The following WDR41 variants were observed in gnomAD, a reference collection of about 807,000 sequenced individuals.
The protein encoded by WDR41 is WD repeat-containing protein 41.
In WDR41, 63 loss-of-function variants were observed where a neutral mutation model predicts 69.3. That is an observed-to-expected ratio of 0.91 (90% CI 0.74 to 1.12). The LOEUF (loss-of-function observed/expected upper bound fraction) is 1.12, where lower values mean the gene tolerates loss of function less well. Among genes scored for constraint, WDR41 ranks in the 50% most tolerant of loss-of-function variants. The pLI, the probability that WDR41 is intolerant of heterozygous loss-of-function variation, is 0.00. For missense variants in WDR41, 543 were observed against 534.5 expected (o/e 1.02, Z -0.16); for synonymous variants, 185 against 192.1 (o/e 0.96, Z 0.31).
chr5:77,448,523 ACT>A (rs1035962312), intron 8 of WDR41, among the ~76,000 whole-genome samples: 6 of 151,984 alleles, frequency 3.9e-5, no homozygotes, highest in East Asian at 1.9e-4. Context: ...TAGACTTGGT[ACT>A]CTCTGTGTCC....
intron 12 of WDR41, among the ~76,000 whole-genome samples, chr5:77,435,435 G>A (rs1189399128): frequency 6.6e-6 from 1 of 152,152 alleles, no homozygotes; most frequent in Non-Finnish European, 1.5e-5. Flanking sequence ...ATGAGGGCAA[G>A]GACTGTTTTC....
At chr5:77,587,669 G>T (rs1744064752) in intron 1 of WDR41, among the ~76,000 whole-genome samples, 1 of 152,188 alleles carries the variant, frequency 6.6e-6, no homozygotes, top group South Asian at 2.1e-4. Flanking sequence ...CTAATCCCCA[G>T]TACCTCAGAA....
chr5:77,465,427 T>TTA (rs1374383851), intron 2 of WDR41, among the ~76,000 whole-genome samples: 2 of 152,102 alleles, frequency 1.3e-5, no homozygotes, highest in Non-Finnish European at 2.9e-5. Flanking sequence ...TCTCTCCTTT[T>TTA]TATATCCCAT....
At chr5:77,567,656 C>A (rs1252088829) in intron 1 of WDR41, among the ~76,000 whole-genome samples, 2 of 121,270 alleles carry the variant, frequency 1.6e-5, no homozygotes, top group African/African-American at 3.9e-5. Flanking sequence ...TACCCTAAAC[C>A]AAATAGTAAA....
chr5:77,475,977 A>G (rs911495954), intron 2 of WDR41, among the ~76,000 whole-genome samples: 2 of 152,214 alleles, frequency 1.3e-5, no homozygotes, highest in Non-Finnish European at 2.9e-5. Context: ...AAGTGCTTAA[A>G]GGAGCTGATG....
intron 5 of WDR41, 86 bp downstream of exon 5, chr5:77,458,976 A>G (rs1799935957): frequency 9.3e-6 from 9 of 968,848 alleles, no homozygotes; most frequent in Non-Finnish European, 1.3e-5. Context: ...AAGACCCACA[A>G]AAGTAATTTC....
chr5:77,556,291 C>G (rs1034577731), intron 1 of WDR41, among the ~76,000 whole-genome samples: 1 of 148,354 alleles, frequency 6.7e-6, no homozygotes, highest in Non-Finnish European at 1.5e-5. Context: ...TTTTAGTAGA[C>G]ATGGGGTTTC....
At chr5:77,610,616 G>A (rs1452769209) in intron 1 of WDR41, among the ~76,000 whole-genome samples, 1 of 151,962 alleles carries the variant, frequency 6.6e-6, no homozygotes, top group Non-Finnish European at 1.5e-5. Flanking sequence ...GAGAGATTTT[G>A]TCACCACCAG....
chr5:77,579,829 A>G (rs957900887), intron 1 of WDR41, among the ~76,000 whole-genome samples: 2 of 152,032 alleles, frequency 1.3e-5, no homozygotes, highest in African/African-American at 4.8e-5. Flanking sequence ...TGTATAAAAT[A>G]AGATGTATGT....
At chr5:77,437,496 G>T in intron 10 of WDR41, 72 bp from the exon 11 acceptor site, 5 of 1,286,702 alleles carry the variant, frequency 3.9e-6, no homozygotes, top group Non-Finnish European at 5.6e-6. Context: ...TGCAGTGAAA[G>T]AAATCAGTGG....
chr5:77,595,063 T>A (rs1314311380), intron 1 of WDR41, among the ~76,000 whole-genome samples: 3 of 152,218 alleles, frequency 2.0e-5, no homozygotes, highest in Non-Finnish European at 4.4e-5. Context: ...GCCTTCTGAT[T>A]ACTGTAAGTA....
intron 1 of WDR41, among the ~76,000 whole-genome samples, chr5:77,607,634 GT>G (rs1203965591): frequency 6.6e-6 from 1 of 152,158 alleles, no homozygotes. Flanking sequence ...GATAAGTGTG[GT>G]TTAAACACAT....
At chr5:77,468,814 T>C (rs1357668273) in intron 2 of WDR41, among the ~76,000 whole-genome samples, 7 of 152,188 alleles carry the variant, frequency 4.6e-5, no homozygotes, top group Non-Finnish European at 1.0e-4. Flanking sequence ...TAAAATACTA[T>C]ACAGTTTCCA....
intron 2 of WDR41, among the ~76,000 whole-genome samples, chr5:77,479,387 A>C (rs1307862846): frequency 2.0e-5 from 3 of 152,192 alleles, no homozygotes; most frequent in Non-Finnish European, 4.4e-5. Context: ...CCAAAAGAGC[A>C]AAGCTGGAGG....
intron 3 of WDR41, among the ~76,000 whole-genome samples, chr5:77,463,958 GA>G (rs1800177973): frequency 6.6e-6 from 1 of 152,012 alleles, no homozygotes; most frequent in Non-Finnish European, 1.5e-5. Context: ...AAGGTGAGAG[GA>G]AGATACTTCA....
At chr5:77,506,659 A>G (rs1286066430) in intron 1 of WDR41, among the ~76,000 whole-genome samples, 4 of 152,194 alleles carry the variant, frequency 2.6e-5, no homozygotes, top group African/African-American at 9.7e-5. Context: ...AATGATAGAC[A>G]GGATTAAGCA....
chr5:77,592,736 C>T (rs1305467195), intron 1 of WDR41, among the ~76,000 whole-genome samples: 2 of 152,172 alleles, frequency 1.3e-5, no homozygotes, highest in Non-Finnish European at 2.9e-5. Flanking sequence ...GTTTTCAATG[C>T]ATGCAAAGTA....
chr5:77,458,963 CA>C, intron 5 of WDR41, 98 bp downstream of exon 5: 2 of 816,290 alleles, frequency 2.5e-6, no homozygotes, highest in Non-Finnish European at 3.9e-6. Flanking sequence ...AGAAATAATT[CA>C]TAAGACCCAC....
intron 1 of WDR41, among the ~76,000 whole-genome samples, chr5:77,601,524 A>C (rs1482549993): frequency 2.6e-5 from 4 of 152,236 alleles, no homozygotes; most frequent in African/African-American, 9.6e-5. Context: ...TTAGACTGCA[A>C]GGAGGTTAGA....
Sources: allele counts gnomAD v4.1 joint callset (sites outside exome capture counted in the v4.1 genomes callset), GRCh38; gene constraint gnomAD v4.1.1; transcripts MANE v1.5; gene names NCBI Gene and HGNC (gene_info 2026-07-23, HGNC 2026-07-21).